RAB21: variants seen among roughly 807,000 people sequenced by gnomAD.
The protein encoded by RAB21 is ras-related protein Rab-21.
RAB21 carries 13 observed loss-of-function variants against 33.1 expected under a neutral mutation model. The observed-to-expected ratio is 0.39, with a 90% CI of 0.26 to 0.62. The LOEUF is 0.62. Ranked by LOEUF, RAB21 falls within the 20% of genes least tolerant of loss-of-function variation. The probability of loss-of-function intolerance (pLI) is 0.48; values close to 1 mark genes in which losing one functional copy is unlikely to be tolerated. For synonymous variants in RAB21, 91 were observed against 103.7 expected (o/e 0.88, Z 0.74); for missense variants, 234 against 279.1 (o/e 0.84, Z 1.15).
intron 1 of RAB21, among the ~76,000 whole-genome samples, chr12:71,755,985 C>A (rs1235135040): frequency 1.3e-5 from 2 of 152,316 alleles, no homozygotes; most frequent in African/African-American, 4.8e-5. Context: ...AAAAGGTCGG[C>A]TTTCTTCCAC....
chr12:71,762,887 A>G (rs1882899211), intron 1 of RAB21, among the ~76,000 whole-genome samples: 2 of 152,096 alleles, frequency 1.3e-5, no homozygotes, highest in South Asian at 4.1e-4. Context: ...GGCCTAGCTT[A>G]GTTTTTTGAT....
Position 71,789,832 on chromosome 12 carries a change from A to C in RAB21, c.*4159A>C, listed in dbSNP as rs944807654. 1 of 152,160 alleles carries C rather than the reference A, an allele frequency of 6.6e-6. No individual in the cohort carries two copies. Among genetic ancestry groups the C allele is most frequent in the Non-Finnish European group, 1.5e-5 (1 of 67,980 alleles). The allele number at this position is 152,160 out of a possible 1,614,324, so 9.4% of individuals were successfully genotyped here. A position where few individuals can be genotyped will look rare whatever the true frequency, so the allele number is the denominator to read the frequency against. Reference sequence around the variant, plus strand: ...TTCTGGACCAAAATTCGTGCTACACATATGTCTGATGGCCTTTACCTTTTC... The same window carrying C: ...TTCTGGACCAAAATTCGTGCTACACCTATGTCTGATGGCCTTTACCTTTTC... On this transcript the variant is annotated 3_prime_UTR_variant, in exon 7 of 7. Transcript: ENST00000261263.
chr12:71,762,859 G>A (rs1882897988), intron 1 of RAB21, among the ~76,000 whole-genome samples: 1 of 152,106 alleles, frequency 6.6e-6, no homozygotes, highest in South Asian at 2.1e-4. Context: ...GGGATTACAG[G>A]CGTGAGCCAC....
chr12:71,788,966 C>T lies in RAB21; in HGVS notation c.*3293C>T, dbSNP rs1375179437. The T allele has an allele frequency of 6.6e-6, 1 of 151,276 alleles. No homozygotes were observed. 9.4% of individuals were successfully genotyped at this position (151,276 alleles called of 1,614,324 possible). On this transcript the variant is annotated 3_prime_UTR_variant, in exon 7 of 7. Transcript: ENST00000261263. ...TTGTCTGGGGTGTTGCCTAAGAATA[C>T]CCTAAAGCTATGGCTGTTACTGCAT...
In RAB21 at chr12:71,783,606, T is replaced by C. The variant is rs549814714; in HGVS notation, c.535+948T>C. Among the ~76,000 whole-genome samples, 7 of 152,304 alleles carry C rather than the reference T, an allele frequency of 4.6e-5. No homozygotes were observed. In the South Asian group the frequency reaches 1.4e-3, roughly 32 times the overall value. On this transcript the variant is annotated intron_variant, in intron 6 of 6. Coordinates refer to ENST00000261263, the MANE Select transcript of RAB21 (RefSeq NM_014999.4). ...GAAAATATGTCAGAAATGCAAATTC[T>C]TGGGCTCTCCAAGCCTGCCGAATCA...
chr12:71,769,796 T>C lies in RAB21; in HGVS notation c.160-4T>C. 7.4e-7 allele frequency: 1 copy of C among 1,343,534 alleles called. No homozygotes were observed. The highest frequency in any genetic ancestry group is 1.7e-5 in the South Asian group (1 of 57,988). 83.2% of individuals were successfully genotyped at this position (1,343,534 alleles called of 1,614,324 possible). ...CATTGTTTAATGTTTATTTCTCTTTTTAGGCATCATTCTTAACAAAGAAGT... is the reference window on the plus strand; with the variant it reads ...CATTGTTTAATGTTTATTTCTCTTTCTAGGCATCATTCTTAACAAAGAAGT... On this transcript the variant is annotated splice_region_variant and splice_polypyrimidine_tract_variant and intron_variant, in intron 1 of 6. Coordinates refer to ENST00000261263, the MANE Select transcript of RAB21 (RefSeq NM_014999.4).
At chr12:71,755,698 AACTTCAGCGCTT>A (rs1471331110) in intron 1 of RAB21, among the ~76,000 whole-genome samples, 3 of 152,248 alleles carry the variant, frequency 2.0e-5, no homozygotes, top group African/African-American at 7.2e-5. Context: ...GGTGATTTGT[AACTTCAGCGCTT>A]ACTGATGACT....
chr12:71,791,938 C>T lies in RAB21; in HGVS notation c.*6265C>T, dbSNP rs1316452370. ...AGAATGCAGTAGCATGATCATAGCTCATTGCAGCCTCAAACTCCTGGGCTT... is the reference window on the plus strand; with the variant it reads ...AGAATGCAGTAGCATGATCATAGCTTATTGCAGCCTCAAACTCCTGGGCTT... On this transcript the variant is annotated 3_prime_UTR_variant, in exon 7 of 7. Transcript: ENST00000261263. The T allele has an allele frequency of 6.6e-6, 1 of 152,202 alleles. No homozygotes were observed. Among genetic ancestry groups the T allele is most frequent in the East Asian group, 1.9e-4 (1 of 5,190 alleles). 9.4% of individuals were successfully genotyped at this position (152,202 alleles called of 1,614,324 possible).
chr12:71,770,155 A>G (rs12298468), intron 2 of RAB21, among the ~76,000 whole-genome samples: 30,335 of 151,972 alleles, frequency 0.2, 3,487 homozygotes, highest in East Asian at 0.37. Flanking sequence ...GCCTTCTAAG[A>G]GAATGGCTGG....
chr12:71,767,739 A>T (rs1295607822), intron 1 of RAB21, among the ~76,000 whole-genome samples: 1 of 152,190 alleles, frequency 6.6e-6, no homozygotes, highest in East Asian at 1.9e-4. Context: ...GGCGAATGTG[A>T]TCAAAATACT....
At position 71,797,659 on chromosome 12, in the gene RAB21, A is replaced by G. The variant is rs966189967; in HGVS notation, c.*11986A>G. The G allele has an allele frequency of 6.6e-6, 1 of 151,250 alleles. No individual in the cohort carries two copies. The highest frequency in any genetic ancestry group is 6.6e-5 in the Admixed American group (1 of 15,184). 9.4% of individuals were successfully genotyped at this position (151,250 alleles called of 1,614,324 possible). On this transcript the variant is annotated 3_prime_UTR_variant, in exon 7 of 7. Transcript: ENST00000261263. ...AAAAAAAGCAAGACTAGCCAGGAAA[A>G]CTGAAAAAACAATGAGGAAAGACTG...
At chr12:71,774,856 G>T (rs531120245) in intron 4 of RAB21, among the ~76,000 whole-genome samples, 2 of 151,218 alleles carry the variant, frequency 1.3e-5, no homozygotes, top group South Asian at 2.1e-4. Flanking sequence ...AAACTAAACA[G>T]TTGGGGCTTC....
intron 1 of RAB21, among the ~76,000 whole-genome samples, chr12:71,763,927 G>T (rs574063366): frequency 1.3e-5 from 2 of 152,144 alleles, no homozygotes; most frequent in South Asian, 2.1e-4. Flanking sequence ...TGAGCTGTCT[G>T]ACCTTCCGTG....
chr12:71,794,054 A>G lies in RAB21; in HGVS notation c.*8381A>G, dbSNP rs1883425550. The G allele has an allele frequency of 6.6e-6, 1 of 151,864 alleles. No individual in the cohort carries two copies. The highest frequency in any genetic ancestry group is 1.5e-5 in the Non-Finnish European group (1 of 67,992). The allele number at this position is 151,864 out of a possible 1,614,324, so 9.4% of individuals were successfully genotyped here. On this transcript the variant is annotated 3_prime_UTR_variant, in exon 7 of 7. Transcript: ENST00000261263. ...GACAACATGGCGAAACCCCATCTCT[A>G]TCCAAAAATATACAAAAATTAGCCA... is the stretch of plus-strand genomic sequence containing the variant.
rs372858932 is a variant in RAB21, at chr12:71,755,109, G to C, written c.-21G>C. 8.8e-7 allele frequency: 1 copy of C among 1,142,504 alleles called. No individual in the cohort carries two copies. Among genetic ancestry groups the C allele is most frequent in the Non-Finnish European group, 1.1e-6 (1 of 934,106 alleles). 70.8% of individuals were successfully genotyped at this position (1,142,504 alleles called of 1,614,324 possible). On this transcript the variant is annotated 5_prime_UTR_variant, in exon 1 of 7. Transcript: ENST00000261263. ...GGAGGGCGGCGCGACACTCGGGCTC[G>C]GGCGGCCGGGAAGCGACGGGATGGC... is the stretch of plus-strand genomic sequence containing the variant.
intron 4 of RAB21, among the ~76,000 whole-genome samples, chr12:71,774,754 C>CT (rs1417315653): frequency 2.5e-4 from 26 of 102,480 alleles, no homozygotes; most frequent in African/African-American, 9.8e-4. Context: ...GAGACTGTGT[C>CT]TTAAAAAAAA....
intron 1 of RAB21, among the ~76,000 whole-genome samples, chr12:71,764,502 T>C (rs1882929985): frequency 1.3e-5 from 2 of 152,170 alleles, no homozygotes; most frequent in Admixed American, 6.5e-5. Flanking sequence ...GTATAGGTGT[T>C]TTTTTGCTAC....
At chr12:71,784,190 T>G (rs931955202) in intron 6 of RAB21, among the ~76,000 whole-genome samples, 6 of 152,190 alleles carry the variant, frequency 3.9e-5, no homozygotes, top group African/African-American at 9.6e-5. Context: ...GGACACCCTC[T>G]TTTCTTCCTT....
intron 1 of RAB21, among the ~76,000 whole-genome samples, chr12:71,769,542 G>C (rs1565888080): frequency 5.9e-5 from 9 of 151,862 alleles, no homozygotes. Flanking sequence ...CATAGATAAG[G>C]AAAAATATTA....
Sources: gnomAD v4.1 joint callset for allele counts (sites outside exome capture counted in the v4.1 genomes callset) on GRCh38, gnomAD v4.1.1 for gene constraint, MANE v1.5 for transcripts, NCBI Gene and HGNC (gene_info 2026-07-23, HGNC 2026-07-21) for gene names.